The following PLGRKT variants were observed in gnomAD, a reference collection of about 807,000 sequenced individuals.
PLGRKT encodes plasminogen receptor (KT).
A neutral mutation model predicts 18.5 loss-of-function variants in PLGRKT; 22 were observed. The ratio of observed to expected loss-of-function variants is 1.19; its 90% confidence interval spans 0.85 to 1.70. PLGRKT has a LOEUF of 1.70. Ranked by LOEUF, PLGRKT falls within the 40% of genes most tolerant of loss-of-function variation. PLGRKT has a pLI of 0.00. For synonymous variants in PLGRKT, 72 were observed against 52.8 expected, an observed-to-expected ratio of 1.36 and a Z score of -1.58; for missense variants, 235 against 174.4, an observed-to-expected ratio of 1.35 and a Z score of -1.96.
At chr9:5,407,718 G>C (rs1031452224) in intron 3 of PLGRKT, among the ~76,000 whole-genome samples, 3 of 152,100 alleles carry the variant, frequency 2.0e-5, no homozygotes, top group African/African-American at 7.2e-5. Context: ...TCAAGAACAG[G>C]AGAAGTGGAG....
chr9:5,395,691 G>C (rs1204961981), intron 3 of PLGRKT, among the ~76,000 whole-genome samples: 1 of 151,668 alleles, frequency 6.6e-6, no homozygotes, highest in Non-Finnish European at 1.5e-5. Flanking sequence ...CTATAGGACA[G>C]CATAATAACT....
chr9:5,369,214 G>A (rs1302794885), intron 3 of PLGRKT, among the ~76,000 whole-genome samples: 4 of 152,040 alleles, frequency 2.6e-5, no homozygotes, highest in African/African-American at 7.2e-5. Context: ...CTCCTCTCAC[G>A]AAGGCTAATA....
chr9:5,418,828 C>T lies in PLGRKT; in HGVS notation c.81+13069G>A, dbSNP rs1818516306. ...CTTGGTGACACCGCTGCACCAGGGG[C>T]ATCGCACATCCTTCTGGCTGGTCCT... On this transcript the variant is annotated intron_variant, in intron 3 of 5. Transcript: ENST00000223864. The surrounding 1 kb of genome is among the most constrained non-coding windows in gnomAD (Gnocchi z 4.2). The T allele has an allele frequency of 2.0e-6, 2 of 1,014,068 alleles. No individual in the cohort carries two copies. Among genetic ancestry groups the T allele is most frequent in the Non-Finnish European group, 3.1e-6 (2 of 647,890 alleles). The allele number at this position is 1,014,068 out of a possible 1,614,324, so 62.8% of individuals were successfully genotyped here. A position where few individuals can be genotyped will look rare whatever the true frequency, so the allele number is the denominator to read the frequency against.
chr9:5,380,937 T>C (rs1817731507), intron 3 of PLGRKT, among the ~76,000 whole-genome samples: 1 of 152,148 alleles, frequency 6.6e-6, no homozygotes, highest in Non-Finnish European at 1.5e-5. Flanking sequence ...GTTCTCATGA[T>C]AGTGAGCGAG....
intron 3 of PLGRKT, among the ~76,000 whole-genome samples, chr9:5,408,074 T>C (rs746933518): frequency 3.3e-4 from 50 of 152,198 alleles, no homozygotes; most frequent in Non-Finnish European, 2.4e-4. Context: ...CTGGTCTAAA[T>C]TTGGAGGGGC....
intron 5 of PLGRKT, among the ~76,000 whole-genome samples, chr9:5,359,539 G>T (rs893709469): frequency 6.6e-6 from 1 of 152,124 alleles, no homozygotes; most frequent in Non-Finnish European, 1.5e-5. Context: ...TGTTTTCCAC[G>T]TGAGAGAGCC....
intron 3 of PLGRKT, among the ~76,000 whole-genome samples, chr9:5,398,348 G>A (rs1002569744): frequency 5.3e-5 from 8 of 151,906 alleles, no homozygotes; most frequent in African/African-American, 1.9e-4. Context: ...CAGATGAAAA[G>A]TACTTAATAG....
At chr9:5,426,279 T>C (rs1416750564) in intron 3 of PLGRKT, among the ~76,000 whole-genome samples, 1 of 152,166 alleles carries the variant, frequency 6.6e-6, no homozygotes, top group Admixed American at 6.5e-5. Context: ...GTGTTCATCT[T>C]ATTATACTCC....
intron 3 of PLGRKT, among the ~76,000 whole-genome samples, chr9:5,403,670 G>C (rs1209337510): frequency 6.6e-6 from 1 of 152,194 alleles, no homozygotes; most frequent in Non-Finnish European, 1.5e-5. Context: ...CTCATTCTAT[G>C]TTCTCTATTG....
chr9:5,377,186 A>T (rs1817645554), intron 3 of PLGRKT, among the ~76,000 whole-genome samples: 1 of 152,108 alleles, frequency 6.6e-6, no homozygotes, highest in African/African-American at 2.4e-5. Context: ...GAAAGTGCTT[A>T]GACACACTGT....
Position 5,422,099 on chromosome 9 carries a change from C to T in PLGRKT, c.81+9798G>A, listed in dbSNP as rs763709227. Among the ~76,000 whole-genome samples the T allele has an allele frequency of 5.9e-5, 9 of 152,058 alleles. No individual in the cohort carries two copies. In the South Asian group the frequency reaches 8.3e-4, roughly 14 times the overall value. ...AAGTTCTTAATAAATTTCCACACAA[C>T]GAATGTCAAAGGAATGAGAGAATAT... On this transcript the variant is annotated intron_variant, in intron 3 of 5. Coordinates refer to ENST00000223864, the MANE Select transcript of PLGRKT (RefSeq NM_018465.4).
Position 5,436,702 on chromosome 9 carries a change from T to C in PLGRKT, c.-132-8A>G, listed in dbSNP as rs1468483890. On this transcript the variant is annotated splice_polypyrimidine_tract_variant and splice_region_variant and intron_variant, in intron 1 of 5. Coordinates refer to ENST00000223864, the MANE Select transcript of PLGRKT (RefSeq NM_018465.4). ...CCTTATGGGAAACCACACCTGAGAATAAATAAATGCATCACACCTTGTAAA... is the reference window on the plus strand; with the variant it reads ...CCTTATGGGAAACCACACCTGAGAACAAATAAATGCATCACACCTTGTAAA... 2 of 152,172 alleles carry C rather than the reference T, an allele frequency of 1.3e-5. No individual in the cohort carries two copies. The highest frequency in any genetic ancestry group is 3.9e-4 in the East Asian group (2 of 5,194). 9.4% of individuals were successfully genotyped at this position (152,172 alleles called of 1,614,324 possible). A position where few individuals can be genotyped will look rare whatever the true frequency, so the allele number is the denominator to read the frequency against.
chr9:5,390,014 G>A (rs753850247), intron 3 of PLGRKT, among the ~76,000 whole-genome samples: 1 of 151,738 alleles, frequency 6.6e-6, no homozygotes, highest in Non-Finnish European at 1.5e-5. Flanking sequence ...AGAAGCACCA[G>A]GAAGGTGCCA....
At chr9:5,405,495 A>G (rs1440962495) in intron 3 of PLGRKT, among the ~76,000 whole-genome samples, 2 of 152,252 alleles carry the variant, frequency 1.3e-5, no homozygotes, top group African/African-American at 4.8e-5. Flanking sequence ...ACCTGACAAA[A>G]ACAAGCAATG....
rs566361461 is a variant in PLGRKT, at chr9:5,367,923, G to T, written c.82-6035C>A. Reference sequence around the variant, plus strand: ...ACCAAATAATCCCATTAAAAAGTGGGCAAAGGACATGAACAGACACTTCTC... The same window carrying T: ...ACCAAATAATCCCATTAAAAAGTGGTCAAAGGACATGAACAGACACTTCTC... On this transcript the variant is annotated intron_variant, in intron 3 of 5. Transcript: ENST00000223864. 3.3e-4 allele frequency among the ~76,000 whole-genome samples: 50 copies of T among 152,218 alleles called. 1 individual carries two copies. The South Asian group carries it at 9.6e-3, about 29-fold the overall frequency.
At chr9:5,406,154 G>C (rs773159573) in intron 3 of PLGRKT, among the ~76,000 whole-genome samples, 2 of 152,214 alleles carry the variant, frequency 1.3e-5, no homozygotes, top group Non-Finnish European at 2.9e-5. Context: ...CTTTTATACT[G>C]TTGGTGGGAA....
chr9:5,375,221 T>G (rs10815198), intron 3 of PLGRKT, among the ~76,000 whole-genome samples: 1 of 152,042 alleles, frequency 6.6e-6, no homozygotes, highest in Non-Finnish European at 1.5e-5. Flanking sequence ...CTGACTTCCT[T>G]TGCTGAAACT....
At chr9:5,419,635 T>C (rs1818535356) in intron 3 of PLGRKT, among the ~76,000 whole-genome samples, 1 of 152,228 alleles carries the variant, frequency 6.6e-6, no homozygotes, top group South Asian at 2.1e-4. Context: ...TTAGCCATTA[T>C]GGAAATTCAA....
chr9:5,410,603 G>C (rs990917276), intron 3 of PLGRKT, among the ~76,000 whole-genome samples: 1 of 152,046 alleles, frequency 6.6e-6, no homozygotes, highest in Non-Finnish European at 1.5e-5. Context: ...GTTTAAGCAG[G>C]CAGGGTTGGG....
Sources: allele counts gnomAD v4.1 joint callset (sites outside exome capture counted in the v4.1 genomes callset), GRCh38; gene constraint gnomAD v4.1.1; non-coding constraint Gnocchi (gnomAD v3.1); transcripts MANE v1.5; gene names NCBI Gene and HGNC (gene_info 2026-07-23, HGNC 2026-07-21).